The following SPEN variants were observed in gnomAD, a reference collection of about 807,000 sequenced individuals.
SPEN encodes the protein spen family transcriptional repressor, also known as msx2-interacting protein.
SPEN carries 18 observed loss-of-function variants against 269.9 expected under a neutral mutation model. The ratio of observed to expected loss-of-function variants is 0.07; its 90% CI spans 0.05 to 0.10. The LOEUF (loss-of-function observed/expected upper bound fraction) is 0.10. SPEN is among the 10% of genes least tolerant of loss of function. The pLI, the probability that SPEN is intolerant of heterozygous loss-of-function variation, is 1.00. For synonymous variants in SPEN, 1,726 were observed against 1,765.7 expected, an observed-to-expected ratio of 0.98 and a Z score of 0.56; for missense variants, 3,822 against 4,631.2, an observed-to-expected ratio of 0.83 and a Z score of 5.07.
chr1:15,878,659 A>G (rs753187268), intron 3 of SPEN, among the ~76,000 whole-genome samples: 1 of 152,146 alleles, frequency 6.6e-6, no homozygotes, highest in Non-Finnish European at 1.5e-5. Flanking sequence ...TTTTCCATAA[A>G]CCTACCTCAT....
rs796715766 is a variant in SPEN, at chr1:15,899,099, G to GC, written c.882-10221dup. On this transcript the variant is annotated intron_variant, in intron 3 of 14. Transcript: ENST00000375759. ...AAGTTAGCGTTTGGGGAACCCCATG[G>GC]CTGTACCATTTTACTTTCCCGTCAG... Among the ~76,000 whole-genome samples, 11 of 152,180 alleles carry GC rather than the reference G, an allele frequency of 7.2e-5. No individual in the cohort carries two copies. In the South Asian group the frequency reaches 2.3e-3, roughly 32 times the overall value.
At chr1:15,891,466 C>G (rs2148719067) in intron 3 of SPEN, among the ~76,000 whole-genome samples, 1 of 151,970 alleles carries the variant, frequency 6.6e-6, no homozygotes, top group East Asian at 1.9e-4. Flanking sequence ...ATTCTCCTGC[C>G]TCAGCCTCCC....
chr1:15,874,370 A>G (rs2070611170), intron 2 of SPEN: 1 of 1,365,802 alleles, frequency 7.3e-7, no homozygotes, highest in African/African-American at 1.5e-5. Context: ...TTGGGATTAT[A>G]GGTCGTGTTT....
At chr1:15,893,526 A>G (rs2070809602) in intron 3 of SPEN, among the ~76,000 whole-genome samples, 1 of 152,156 alleles carries the variant, frequency 6.6e-6, no homozygotes, top group African/African-American at 2.4e-5. Context: ...AGTATACCAA[A>G]TAGCGGATGG....
At chr1:15,913,636 G>T (rs941967395) in intron 5 of SPEN, among the ~76,000 whole-genome samples, 13 of 151,628 alleles carry the variant, frequency 8.6e-5, no homozygotes, top group Admixed American at 4.6e-4. Context: ...GCTCATGCCT[G>T]TAAACAGTTT....
Position 15,935,502 on chromosome 1 carries a change from G to C in SPEN, c.9262G>C (p.Val3088Leu). ...IMPPHSITQT[V>L]SLSHLSQGEV... Reference sequence around the variant, plus strand: ...GCCACCCCACAGCATCACCCAGACTGTGTCCCTGAGCCACCTCTCCCAGGG... The same window carrying C: ...GCCACCCCACAGCATCACCCAGACTCTGTCCCTGAGCCACCTCTCCCAGGG... Residue 3088 changes from valine (V) to leucine (L), a missense_variant, in exon 11 of 15, where the codon GTG (valine) becomes CTG (leucine). Val to Leu is a conservative substitution (Grantham distance 32). Around this residue, in one of 16 missense-constraint regions of SPEN, gnomAD observed 153 missense variants for 228.5 expected, o/e 0.67. Coordinates refer to ENST00000375759, the MANE Select transcript of SPEN (RefSeq NM_015001.3). This position sits in a 1 kb window ranked among gnomAD's most constrained non-coding sequence, Gnocchi z 7.7. 6.2e-7 allele frequency: 1 copy of C among 1,614,012 alleles called. No individual in the cohort carries two copies. Among genetic ancestry groups the C allele is most frequent in the Non-Finnish European group, 8.5e-7 (1 of 1,180,000 alleles).
chr1:15,898,336 A>G (rs2070862485), intron 3 of SPEN, among the ~76,000 whole-genome samples: 1 of 151,262 alleles, frequency 6.6e-6, no homozygotes, highest in African/African-American at 2.4e-5. Context: ...CTCAACTGAA[A>G]CTCTATACCC....
chr1:15,933,407 A>T lies in SPEN; in HGVS notation c.7167A>T (p.Lys2389Asn), dbSNP rs1486962986. 1.2e-6 allele frequency: 2 copies of T among 1,613,832 alleles called. No homozygotes were observed. The highest frequency in any genetic ancestry group is 2.7e-5 in the African/African-American group (2 of 74,834). The part of the protein sequence containing the change: ...EAPQEEKQSE[K>N]PHSTPPQSCT... Reference sequence around the variant, plus strand: ...CACAGGAAGAAAAGCAGAGTGAGAAACCCCATTCCACTCCTCCTCAGTCAT... The same window carrying T: ...CACAGGAAGAAAAGCAGAGTGAGAATCCCCATTCCACTCCTCCTCAGTCAT... Residue 2389 changes from lysine (K) to asparagine (N), a missense_variant, in exon 11 of 15, where the codon AAA becomes AAT. By Grantham distance (94) the Lys-to-Asn change is moderately conservative (BLOSUM62 0). Transcript: ENST00000375759. The surrounding 1 kb of genome is among the most constrained non-coding windows in gnomAD (Gnocchi z 5.7).
chr1:15,909,255 T>G, intron 3 of SPEN, 66 bp from the exon 4 acceptor site: 1 of 1,537,934 alleles, frequency 6.5e-7, no homozygotes, highest in Non-Finnish European at 8.8e-7. Context: ...TTTTAAGAAG[T>G]TTTCTAATGC....
At chr1:15,851,393 C>T (rs1040618058) in intron 1 of SPEN, among the ~76,000 whole-genome samples, 6 of 151,990 alleles carry the variant, frequency 3.9e-5, no homozygotes, top group Non-Finnish European at 7.4e-5. Context: ...AACAAAGATT[C>T]ATTACAGGGA....
intron 3 of SPEN, among the ~76,000 whole-genome samples, chr1:15,890,526 G>C (rs940287880): frequency 6.7e-6 from 1 of 150,328 alleles, no homozygotes; most frequent in African/African-American, 2.5e-5. Flanking sequence ...CACCGTGCCC[G>C]GCCTGGTTGA....
chr1:15,882,524 G>A (rs542648705), intron 3 of SPEN, among the ~76,000 whole-genome samples: 2 of 152,090 alleles, frequency 1.3e-5, no homozygotes, highest in South Asian at 2.1e-4. Context: ...GCCAGGTGTA[G>A]TGGTGGGCGC....
In SPEN at chr1:15,918,981, G is replaced by A; in HGVS notation, c.1451G>A (p.Cys484Tyr). Residue 484 changes from cysteine to tyrosine, a missense_variant, in exon 7 of 15, where the codon TGT (cysteine) becomes TAT (tyrosine). Physicochemically the swap from Cys to Tyr is radical, Grantham distance 194. Around this residue, in one of 16 missense-constraint regions of SPEN, gnomAD observed 230 missense variants for 426.1 expected, o/e 0.54. Coordinates refer to ENST00000375759, the MANE Select transcript of SPEN (RefSeq NM_015001.3). ...GVPQYAFLQY[C>Y]DIASVCKAIK... ...CCTCAGTATGCGTTTCTGCAATACT[G>A]TGATATTGCTAGCGTTTGTAAAGCT... 10 of 1,606,670 alleles carry A rather than the reference G, an allele frequency of 6.2e-6. No homozygotes were observed. Among genetic ancestry groups the A allele is most frequent in the African/African-American group, 1.3e-5 (1 of 74,888 alleles).
chr1:15,933,328 A>T lies in SPEN; in HGVS notation c.7088A>T (p.Gln2363Leu). 1.2e-6 allele frequency: 2 copies of T among 1,613,776 alleles called. No individual in the cohort carries two copies. The highest frequency in any genetic ancestry group is 1.7e-6 in the Non-Finnish European group (2 of 1,179,688). The change falls in exon 11 of 15, where the codon CAA becomes CTA. Residue 2363 changes from glutamine (Q) to leucine (L), a missense_variant. Physicochemically the swap from Gln to Leu is moderately radical, Grantham distance 113. This residue lies in a region of SPEN where 727 missense variants were observed against 737.9 expected (regional missense o/e 0.99). Transcript: ENST00000375759. The surrounding 1 kb of genome is among the most constrained non-coding windows in gnomAD (Gnocchi z 5.7). Reference protein sequence around the residue: ...ESHVPESNQAQGESPAANEGT... With the variant: ...ESHVPESNQALGESPAANEGT... ...CATGTCCCTGAATCCAACCAAGCTC[A>T]AGGTGAGAGTCCTGCTGCAAATGAG...
In SPEN at chr1:15,933,283, T is replaced by C; in HGVS notation, c.7043T>C (p.Val2348Ala). 6.2e-7 allele frequency: 1 copy of C among 1,614,016 alleles called. No homozygotes were observed. The change falls in exon 11 of 15, where the codon GTG (valine) becomes GCG (alanine). Residue 2348 changes from valine to alanine, a missense_variant. By Grantham distance (64) the Val-to-Ala change is moderately conservative (BLOSUM62 0). Transcript: ENST00000375759. This position sits in a 1 kb window ranked among gnomAD's most constrained non-coding sequence, Gnocchi z 5.7. ...CGCAAGCGAAACACAAACAAGAAAG[T>C]GGTGGCTCCTGTAGAGAGCCATGTC... ...SRRKRNTNKKVVAPVESHVPE... is the reference protein window; with the variant it reads ...SRRKRNTNKKAVAPVESHVPE...
intron 3 of SPEN, among the ~76,000 whole-genome samples, chr1:15,907,979 A>G (rs1045432627): frequency 6.6e-6 from 1 of 152,084 alleles, no homozygotes; most frequent in African/African-American, 2.4e-5. Flanking sequence ...TGAGGATTTT[A>G]TTAAACTGAA....
chr1:15,912,689 CCTT>C (rs1194887010), intron 5 of SPEN, among the ~76,000 whole-genome samples: 1 of 152,240 alleles, frequency 6.6e-6, no homozygotes, highest in African/African-American at 2.4e-5. Context: ...CCTTCACAGT[CCTT>C]CTTCCATCAA....
At chr1:15,853,916 C>T (rs959082706) in intron 1 of SPEN, among the ~76,000 whole-genome samples, 1 of 151,786 alleles carries the variant, frequency 6.6e-6, no homozygotes, top group African/African-American at 2.4e-5. Context: ...TTGTGCGCCT[C>T]GGCCTCCCAA....
At chr1:15,889,488 C>T (rs955673031) in intron 3 of SPEN, among the ~76,000 whole-genome samples, 25 of 151,402 alleles carry the variant, frequency 1.7e-4, no homozygotes, top group Non-Finnish European at 3.7e-4. Flanking sequence ...TCCTGGAGTT[C>T]AGAATTAGCT....
Sources: allele counts gnomAD v4.1 joint callset (sites outside exome capture counted in the v4.1 genomes callset), GRCh38; gene constraint gnomAD v4.1.1; regional missense constraint gnomAD v4.1.1; non-coding constraint Gnocchi (gnomAD v3.1); transcripts MANE v1.5; gene names NCBI Gene and HGNC (gene_info 2026-07-23, HGNC 2026-07-21).